The following CNTNAP2 variants were observed in gnomAD, a reference collection of about 807,000 sequenced individuals.
CNTNAP2 encodes the protein contactin-associated protein-like 2.
Under a neutral mutation model 155.2 loss-of-function variants are expected in CNTNAP2, and 98 were observed. That is an observed-to-expected ratio of 0.63 (90% CI 0.54 to 0.75). CNTNAP2 has a LOEUF of 0.75. CNTNAP2 is among the 30% of genes least tolerant of loss of function. CNTNAP2 has a pLI of 0.00. For synonymous variants in CNTNAP2, 651 were observed against 631.2 expected (o/e 1.03, Z -0.47); for missense variants, 1,727 against 1,688.1 (o/e 1.02, Z -0.40).
intron 6 of CNTNAP2, among the ~76,000 whole-genome samples, chr7:147,128,269 T>A (rs1801280435): frequency 6.6e-6 from 1 of 152,228 alleles, no homozygotes; most frequent in Non-Finnish European, 1.5e-5. Flanking sequence ...GGGCTGCAGT[T>A]TTATCAGCTT....
intron 1 of CNTNAP2, among the ~76,000 whole-genome samples, chr7:146,232,622 T>C (rs1025887096): frequency 6.6e-5 from 10 of 152,158 alleles, no homozygotes; most frequent in Non-Finnish European, 1.2e-4. Context: ...TTCTGCATTA[T>C]TTATATTAGT....
chr7:147,998,792 A>G (rs577414272), intron 15 of CNTNAP2, among the ~76,000 whole-genome samples: 5 of 152,242 alleles, frequency 3.3e-5, no homozygotes, highest in Non-Finnish European at 7.3e-5. Flanking sequence ...ACAAATGCCA[A>G]TAATCCCAGA....
chr7:146,211,747 G>C (rs1204620921), intron 1 of CNTNAP2, among the ~76,000 whole-genome samples: 1 of 152,020 alleles, frequency 6.6e-6, no homozygotes, highest in Non-Finnish European at 1.5e-5. Context: ...ATAAACTAGA[G>C]ACAGCAGACC....
intron 13 of CNTNAP2, among the ~76,000 whole-genome samples, chr7:147,730,606 C>T (rs1283010581): frequency 6.6e-6 from 1 of 152,004 alleles, no homozygotes; most frequent in African/African-American, 2.4e-5. Flanking sequence ...TCCCTCTCCT[C>T]AAGACCCCCT....
At chr7:147,136,731 G>A (rs971653979) in intron 8 of CNTNAP2, among the ~76,000 whole-genome samples, 7 of 151,888 alleles carry the variant, frequency 4.6e-5, no homozygotes, top group South Asian at 2.1e-4. Flanking sequence ...AATTTATACC[G>A]TTTTCCAAAG....
intron 4 of CNTNAP2, among the ~76,000 whole-genome samples, chr7:147,094,660 C>T (rs1473813120): frequency 2.0e-5 from 3 of 151,978 alleles, no homozygotes; most frequent in African/African-American, 7.3e-5. Flanking sequence ...CCTGTCTCGG[C>T]CTCCGAAAGT....
intron 15 of CNTNAP2, among the ~76,000 whole-genome samples, chr7:148,010,236 A>G (rs1802052877): frequency 6.6e-6 from 1 of 151,418 alleles, no homozygotes; most frequent in South Asian, 2.1e-4. Flanking sequence ...ATATTAATAT[A>G]TATTATTTAC....
intron 9 of CNTNAP2, among the ~76,000 whole-genome samples, chr7:147,351,691 C>T (rs1313950267): frequency 2.0e-5 from 3 of 151,726 alleles, no homozygotes; most frequent in Non-Finnish European, 4.4e-5. Context: ...CTTTAAAAAT[C>T]AGTTAATCAA....
intron 1 of CNTNAP2, among the ~76,000 whole-genome samples, chr7:146,484,157 G>T (rs1232023278): frequency 1.3e-5 from 2 of 152,128 alleles, no homozygotes; most frequent in African/African-American, 2.4e-5. Context: ...GTACAAGTTT[G>T]TTACCTGGGA....
intron 8 of CNTNAP2, among the ~76,000 whole-genome samples, chr7:147,172,232 G>C (rs894494368): frequency 6.6e-6 from 1 of 151,966 alleles, no homozygotes; most frequent in African/African-American, 2.4e-5. Flanking sequence ...TCTTTTCCTT[G>C]ACATTTATAG....
At position 146,777,189 on chromosome 7, in the gene CNTNAP2, G is replaced by A. The variant is rs1802404906; in HGVS notation, c.208+2808G>A. 1.4e-5 allele frequency among the ~76,000 whole-genome samples: 2 copies of A among 138,854 alleles called. 1 individual carries two copies. The highest frequency in any genetic ancestry group is 4.6e-4 in the South Asian group (2 of 4,324). 91.1% of individuals were successfully genotyped at this position (138,854 alleles called of 152,430 possible). A position where few individuals can be genotyped will look rare whatever the true frequency, so the allele number is the denominator to read the frequency against. ...CACGTTGGGAAAGAAAGTGTTGTCT[G>A]TCCTATAGATATAGATCTACACTTC... On this transcript the variant is annotated intron_variant, in intron 2 of 23. Coordinates refer to ENST00000361727, the MANE Select transcript of CNTNAP2 (RefSeq NM_014141.6).
intron 13 of CNTNAP2, among the ~76,000 whole-genome samples, chr7:147,786,020 G>C (rs1191822665): frequency 6.7e-6 from 1 of 149,532 alleles, no homozygotes; most frequent in South Asian, 2.1e-4. Flanking sequence ...GGCCAGGCAC[G>C]GTGGCTCATG....
intron 15 of CNTNAP2, among the ~76,000 whole-genome samples, chr7:148,116,857 C>T (rs982220733): frequency 9.9e-5 from 15 of 152,068 alleles, no homozygotes; most frequent in South Asian, 2.1e-4. Context: ...ATTCATTGTG[C>T]CTTTTGGAGA....
intron 1 of CNTNAP2, among the ~76,000 whole-genome samples, chr7:146,581,439 A>T (rs1471821114): frequency 6.6e-6 from 1 of 152,164 alleles, no homozygotes; most frequent in Non-Finnish European, 1.5e-5. Flanking sequence ...GCTTTCCAAG[A>T]TTATACAAAT....
At chr7:146,707,272 T>C (rs1800982591) in intron 1 of CNTNAP2, among the ~76,000 whole-genome samples, 1 of 152,112 alleles carries the variant, frequency 6.6e-6, no homozygotes, top group African/African-American at 2.4e-5. Flanking sequence ...CCCACTTCTA[T>C]TCACGGCCAC....
At chr7:148,168,719 A>G (rs945136798) in intron 17 of CNTNAP2, among the ~76,000 whole-genome samples, 4 of 152,214 alleles carry the variant, frequency 2.6e-5, no homozygotes, top group African/African-American at 9.7e-5. Context: ...TAATTTAAAA[A>G]AAGAAAAATA....
intron 10 of CNTNAP2, among the ~76,000 whole-genome samples, chr7:147,422,203 T>G (rs1171213966): frequency 6.7e-6 from 1 of 148,412 alleles, no homozygotes; most frequent in African/African-American, 2.5e-5. Context: ...AGTATGTATA[T>G]ATACACAATA....
chr7:148,229,787 T>C lies in CNTNAP2; in HGVS notation c.3381+8T>C. 1 of 1,614,018 alleles carries C rather than the reference T, an allele frequency of 6.2e-7. No homozygotes were observed. Among genetic ancestry groups the C allele is most frequent in the Non-Finnish European group, 8.5e-7 (1 of 1,179,964 alleles). Reference sequence around the variant, plus strand: ...AAGACCATCTTTCTCAAGGTATACATACATGTACATATAAATTACATATAA... The same window carrying C: ...AAGACCATCTTTCTCAAGGTATACACACATGTACATATAAATTACATATAA... On this transcript the variant is annotated splice_region_variant and intron_variant, in intron 20 of 23. Transcript: ENST00000361727.
intron 1 of CNTNAP2, among the ~76,000 whole-genome samples, chr7:146,536,224 A>G (rs1163608543): frequency 6.6e-6 from 1 of 152,150 alleles, no homozygotes; most frequent in East Asian, 1.9e-4. Flanking sequence ...TGGAATCTGT[A>G]TCTTTCATTC....
Sources: gnomAD v4.1 joint callset for allele counts (sites outside exome capture counted in the v4.1 genomes callset) on GRCh38, gnomAD v4.1.1 for gene constraint, MANE v1.5 for transcripts, NCBI Gene and HGNC (gene_info 2026-07-23, HGNC 2026-07-21) for gene names.